UMAD1: variants seen among roughly 807,000 people sequenced by gnomAD.
UMAD1 encodes the protein UBAP1-MVB12-associated (UMA)-domain containing protein 1.
A neutral mutation model predicts 6.1 loss-of-function variants in UMAD1; 8 were observed. The observed-to-expected ratio is 1.30, with a 90% confidence interval of 0.76 to 2.35. The LOEUF (loss-of-function observed/expected upper bound fraction) is 2.35. Among genes scored for constraint, UMAD1 ranks in the 30% most tolerant of loss-of-function variants. The probability of loss-of-function intolerance (pLI) is 0.00; values close to 1 mark genes in which losing one functional copy is unlikely to be tolerated. For synonymous variants in UMAD1, 56 were observed against 31.4 expected (o/e 1.78, Z -2.61); for missense variants, 130 against 78.4 (o/e 1.66, Z -2.49).
chr7:7,750,513 G>A (rs924656533), intron 2 of UMAD1, among the ~76,000 whole-genome samples: 1 of 152,120 alleles, frequency 6.6e-6, no homozygotes, highest in Non-Finnish European at 1.5e-5. Flanking sequence ...CTGATTTCTT[G>A]ATTATAGCTT....
intron 3 of UMAD1, among the ~76,000 whole-genome samples, chr7:7,850,508 T>A (rs1783888773): frequency 6.6e-6 from 1 of 152,126 alleles, no homozygotes; most frequent in African/African-American, 2.4e-5. Flanking sequence ...CACAATATCA[T>A]ATTTCTTGGC....
intron 2 of UMAD1, among the ~76,000 whole-genome samples, chr7:7,690,086 A>G (rs556866917): frequency 6.7e-4 from 102 of 152,206 alleles, no homozygotes; most frequent in South Asian, 5.0e-3. Context: ...CACCCATTTG[A>G]TTTTCAGGAA....
chr7:7,810,704 A>C (rs1783003906), intron 3 of UMAD1, among the ~76,000 whole-genome samples: 1 of 152,204 alleles, frequency 6.6e-6, no homozygotes, highest in African/African-American at 2.4e-5. Flanking sequence ...CTTATATTTT[A>C]AATGATAGTA....
intron 2 of UMAD1, among the ~76,000 whole-genome samples, chr7:7,741,430 G>T (rs948654935): frequency 5.3e-5 from 8 of 151,722 alleles, no homozygotes; most frequent in Non-Finnish European, 1.2e-4. Context: ...AATTAGCTGG[G>T]CGTGGTGGCG....
chr7:7,790,822 C>G (rs1170206036), intron 2 of UMAD1, among the ~76,000 whole-genome samples: 4 of 152,210 alleles, frequency 2.6e-5, no homozygotes, highest in African/African-American at 9.7e-5. Flanking sequence ...TCACATTGTG[C>G]TATCTCTAAC....
intron 2 of UMAD1, among the ~76,000 whole-genome samples, chr7:7,673,738 A>G (rs1395252608): frequency 2.0e-5 from 3 of 151,832 alleles, no homozygotes; most frequent in African/African-American, 7.3e-5. Context: ...TGGAAAATCT[A>G]AAGTCTTCAA....
chr7:7,750,429 A>C (rs1340009774), intron 2 of UMAD1, among the ~76,000 whole-genome samples: 1 of 152,118 alleles, frequency 6.6e-6, no homozygotes, highest in East Asian at 1.9e-4. Context: ...ATTTGAACTA[A>C]TTGTCTTTGG....
intron 2 of UMAD1, among the ~76,000 whole-genome samples, chr7:7,698,870 CTT>C (rs57968079): frequency 1.6e-4 from 21 of 131,856 alleles, no homozygotes; most frequent in East Asian, 2.2e-4. Flanking sequence ...ACCCTCTTGT[CTT>C]TTTTTTTTTT....
At chr7:7,785,073 C>CTA (rs1209408075) in intron 2 of UMAD1, among the ~76,000 whole-genome samples, 2 of 152,198 alleles carry the variant, frequency 1.3e-5, no homozygotes, top group East Asian at 3.9e-4. Context: ...TTCCAAGTGT[C>CTA]TAAAGAATCT....
At chr7:7,753,122 A>G (rs1781709884) in intron 2 of UMAD1, among the ~76,000 whole-genome samples, 2 of 152,110 alleles carry the variant, frequency 1.3e-5, no homozygotes, top group African/African-American at 4.8e-5. Context: ...TTGTCACATC[A>G]TCTTTTTATT....
At chr7:7,861,030 A>T (rs2115332416) in intron 3 of UMAD1, among the ~76,000 whole-genome samples, 1 of 152,296 alleles carries the variant, frequency 6.6e-6, no homozygotes, top group East Asian at 1.9e-4. Flanking sequence ...TTCCATTTAT[A>T]TAAGGTGCCT....
intron 1 of UMAD1, among the ~76,000 whole-genome samples, chr7:7,646,224 A>G (rs1785090441): frequency 6.6e-6 from 1 of 152,168 alleles, no homozygotes; most frequent in African/African-American, 2.4e-5. Context: ...ATCAGGTTAC[A>G]TGGGCTTGAA....
chr7:7,872,178 G>A (rs148240190), intron 3 of UMAD1, among the ~76,000 whole-genome samples: 5 of 152,210 alleles, frequency 3.3e-5, no homozygotes, highest in African/African-American at 9.6e-5. Context: ...AAGATATTTC[G>A]GGTTCAGTTC....
At chr7:7,671,006 T>G (rs1234279025) in intron 1 of UMAD1, among the ~76,000 whole-genome samples, 1 of 152,210 alleles carries the variant, frequency 6.6e-6, no homozygotes, top group Non-Finnish European at 1.5e-5. Flanking sequence ...CTTCCTTGGC[T>G]ACAACGGAAA....
At chr7:7,647,953 C>A (rs950187874) in intron 1 of UMAD1, among the ~76,000 whole-genome samples, 5 of 152,108 alleles carry the variant, frequency 3.3e-5, no homozygotes, top group Admixed American at 6.6e-5. Flanking sequence ...ATAGACGTGC[C>A]AGCTGTGTTT....
chr7:7,847,097 AAAAAAAAATATATATAT>A (rs1783806774), intron 3 of UMAD1, among the ~76,000 whole-genome samples: 7 of 48,876 alleles, frequency 1.4e-4, no homozygotes, highest in African/African-American at 4.5e-4. Context: ...CAAAAAAAAA[AAAAAAAAATATATATAT>A]ATATATATAT....
intron 2 of UMAD1, among the ~76,000 whole-genome samples, chr7:7,767,277 C>T (rs1782007121): frequency 6.6e-6 from 1 of 152,018 alleles, no homozygotes; most frequent in African/African-American, 2.4e-5. Context: ...AGGCACCTGC[C>T]ACCACACCCG....
chr7:7,814,761 C>A (rs138607050), intron 3 of UMAD1, among the ~76,000 whole-genome samples: 79 of 152,200 alleles, frequency 5.2e-4, no homozygotes, highest in African/African-American at 1.8e-3. Flanking sequence ...ACTGCGAGAA[C>A]GTGTGTGACA....
In UMAD1 at chr7:7,765,004, T is replaced by C. The variant is rs1471441560; in HGVS notation, c.83-36666T>C. The stretch of plus-strand genomic sequence containing the variant: ...CTCTGCTCTATTCTTAATATCATTC[T>C]TTTTTTTTTTTTAAAGGACATAGAA... On this transcript the variant is annotated intron_variant, in intron 2 of 3. Coordinates refer to ENST00000682710, the MANE Select transcript of UMAD1 (RefSeq NM_001302348.2). 3.3e-5 allele frequency among the ~76,000 whole-genome samples: 4 copies of C among 119,970 alleles called. No individual in the cohort carries two copies. The East Asian group carries it at 8.0e-4, about 24-fold the overall frequency. The allele number at this position is 119,970 out of a possible 152,430, so 78.7% of individuals were successfully genotyped here. A position where few individuals can be genotyped will look rare whatever the true frequency, so the allele number is the denominator to read the frequency against.
Sources: allele counts gnomAD v4.1 joint callset (sites outside exome capture counted in the v4.1 genomes callset), GRCh38; gene constraint gnomAD v4.1.1; transcripts MANE v1.5; gene names NCBI Gene and HGNC (gene_info 2026-07-23, HGNC 2026-07-21).